The following PDE10A variants were observed in gnomAD, a reference collection of about 807,000 sequenced individuals.
PDE10A encodes cAMP and cAMP-inhibited cGMP 3',5'-cyclic phosphodiesterase 10A.
PDE10A carries 39 observed loss-of-function variants against 97.7 expected under a neutral mutation model. The ratio of observed to expected loss-of-function variants is 0.40; its 90% confidence interval spans 0.31 to 0.52. PDE10A has a LOEUF of 0.52. Among genes scored for constraint, PDE10A ranks in the 20% least tolerant of loss-of-function variants. The pLI, the probability that PDE10A is intolerant of heterozygous loss-of-function variation, is 0.56. For missense variants in PDE10A, 731 were observed against 1,047.8 expected, an observed-to-expected ratio of 0.70 and a Z score of 4.17; for synonymous variants, 371 against 376.8, an observed-to-expected ratio of 0.98 and a Z score of 0.18.
chr6:165,519,338 A>G (rs1218466816), intron 2 of PDE10A, among the ~76,000 whole-genome samples: 1 of 152,156 alleles, frequency 6.6e-6, no homozygotes, highest in Non-Finnish European at 1.5e-5. Context: ...GAATCTTAGG[A>G]GTTACAGAAA....
chr6:165,855,305 CGGGG>C lies in PDE10A; in HGVS notation c.-615+132220_-615+132223del, dbSNP rs34074536. Reference sequence around the variant, plus strand: ...GACTCATAGGCGGCGCGGGAAGTGGCGGGGGGGGGGGGGGACTCAGGGGCGCTGC... The same window carrying C: ...GACTCATAGGCGGCGCGGGAAGTGGCGGGGGGGGGGACTCAGGGGCGCTGC... On this transcript the variant is annotated intron_variant, in intron 1 of 19. Coordinates refer to the PDE10A transcript ENST00000366882. 1.6e-3 allele frequency among the ~76,000 whole-genome samples: 141 copies of C among 86,506 alleles called. 2 individuals are homozygous for C. The highest frequency in any genetic ancestry group is 7.0e-3 in the African/African-American group (134 of 19,220). 56.8% of individuals were successfully genotyped at this position (86,506 alleles called of 152,430 possible).
At chr6:165,857,307 CT>C in intron 1 of PDE10A, among the ~76,000 whole-genome samples, 1 of 152,342 alleles carries the variant, frequency 6.6e-6, no homozygotes. Context: ...CTGGGACTTT[CT>C]TATAGCAAAC....
intron 17 of PDE10A, among the ~76,000 whole-genome samples, chr6:165,382,098 C>T (rs193087289): frequency 1.4e-4 from 21 of 152,228 alleles, no homozygotes; most frequent in Admixed American, 1.3e-3. Flanking sequence ...CGTGGGTGAA[C>T]AGCATGTAAT....
At chr6:165,741,974 C>T (rs1354480181) in intron 1 of PDE10A, among the ~76,000 whole-genome samples, 1 of 152,182 alleles carries the variant, frequency 6.6e-6, no homozygotes. Flanking sequence ...ATGTTGGCAG[C>T]TAGGTGTGAA....
chr6:165,343,518 A>G lies in PDE10A; in HGVS notation c.2784-16T>C. The G allele has an allele frequency of 2.6e-6, 4 of 1,544,474 alleles. No homozygotes were observed. Among genetic ancestry groups the G allele is most frequent in the Non-Finnish European group, 3.6e-6 (4 of 1,116,556 alleles). On this transcript the variant is annotated splice_polypyrimidine_tract_variant and intron_variant, in intron 18 of 21. Coordinates refer to ENST00000539869, the MANE Select transcript of PDE10A (RefSeq NM_001385079.1). The stretch of plus-strand genomic sequence containing the variant: ...TACACGGTCTCTAGAACACAACAAT[A>G]TAAGACTGGTCAGCATAGCATTTGC...
chr6:165,344,240 TCC>T (rs1160672266), intron 18 of PDE10A, among the ~76,000 whole-genome samples: 1 of 152,140 alleles, frequency 6.6e-6, no homozygotes, highest in East Asian at 1.9e-4. Context: ...CAAAGACATA[TCC>T]CCTGCAATTT....
At chr6:165,616,310 C>T in intron 1 of PDE10A, among the ~76,000 whole-genome samples, 1 of 152,122 alleles carries the variant, frequency 6.6e-6, no homozygotes, top group East Asian at 1.9e-4. Context: ...ACTTCCCTAA[C>T]CATATTTAGC....
intron 1 of PDE10A, among the ~76,000 whole-genome samples, chr6:165,863,091 C>A (rs1393086934): frequency 6.6e-6 from 1 of 152,186 alleles, no homozygotes; most frequent in Non-Finnish European, 1.5e-5. Context: ...AATTCCATGC[C>A]AATTGCCTAT....
intron 1 of PDE10A, among the ~76,000 whole-genome samples, chr6:165,738,818 G>A (rs896152405): frequency 6.6e-6 from 1 of 152,186 alleles, no homozygotes; most frequent in Non-Finnish European, 1.5e-5. Context: ...CTTCTTTTGA[G>A]AAGTGTCTGT....
At chr6:165,422,092 G>T (rs1285938127) in intron 10 of PDE10A, among the ~76,000 whole-genome samples, 1 of 152,090 alleles carries the variant, frequency 6.6e-6, no homozygotes, top group African/African-American at 2.4e-5. Flanking sequence ...TCTGTTTTAA[G>T]ATGAGCATTT....
At chr6:165,559,797 A>G (rs1386673159) in intron 1 of PDE10A, among the ~76,000 whole-genome samples, 1 of 152,182 alleles carries the variant, frequency 6.6e-6, no homozygotes, top group Non-Finnish European at 1.5e-5. Flanking sequence ...TTCTCGTGGT[A>G]GTGACTATGT....
chr6:165,906,007 CCTTCCT>C (rs1562791918), intron 1 of PDE10A, among the ~76,000 whole-genome samples: 623 of 48,574 alleles, frequency 0.013, 12 homozygotes, highest in Middle Eastern at 0.042. Flanking sequence ...TTCCTTCCTT[CCTTCCT>C]TCCCTCCCTC....
At chr6:165,857,735 G>A (rs1281368818) in intron 1 of PDE10A, among the ~76,000 whole-genome samples, 7 of 84,268 alleles carry the variant, frequency 8.3e-5, no homozygotes, top group African/African-American at 2.4e-4. Context: ...GTGTGTGTGT[G>A]TGAAGAATGA....
At chr6:165,945,345 C>T (rs1285635042) in intron 1 of PDE10A, among the ~76,000 whole-genome samples, 1 of 152,220 alleles carries the variant, frequency 6.6e-6, no homozygotes, top group Non-Finnish European at 1.5e-5. Context: ...AGCTAAGCTA[C>T]TCTTGACTTC....
At chr6:165,973,872 T>C (rs929809594) in intron 1 of PDE10A, among the ~76,000 whole-genome samples, 9 of 152,370 alleles carry the variant, frequency 5.9e-5, no homozygotes, top group Admixed American at 5.9e-4. Context: ...AATTTCTTTC[T>C]TCAATAACAT....
At chr6:165,946,386 T>C (rs1783766704) in intron 1 of PDE10A, among the ~76,000 whole-genome samples, 1 of 151,460 alleles carries the variant, frequency 6.6e-6, no homozygotes, top group Admixed American at 6.6e-5. Flanking sequence ...TCCCAGCTAC[T>C]AGGGAGGCTG....
chr6:165,678,120 T>A (rs1790857878), intron 1 of PDE10A, among the ~76,000 whole-genome samples: 1 of 150,644 alleles, frequency 6.6e-6, no homozygotes, highest in Admixed American at 6.6e-5. Flanking sequence ...TGTGTGGGTG[T>A]GTTTGTGTTT....
At chr6:165,452,296 C>T (rs2128250984) in intron 3 of PDE10A, among the ~76,000 whole-genome samples, 1 of 152,330 alleles carries the variant, frequency 6.6e-6, no homozygotes, top group Non-Finnish European at 1.5e-5. Context: ...CCAACAGAAG[C>T]AAAGCTGCAG....
At chr6:165,567,473 T>G (rs1472329465) in intron 1 of PDE10A, among the ~76,000 whole-genome samples, 1 of 152,198 alleles carries the variant, frequency 6.6e-6, no homozygotes, top group African/African-American at 2.4e-5. Flanking sequence ...CAAAATGTTC[T>G]TCAACTAATG....
Sources: allele counts gnomAD v4.1 joint callset (sites outside exome capture counted in the v4.1 genomes callset), GRCh38; gene constraint gnomAD v4.1.1; transcripts MANE v1.5; gene names NCBI Gene and HGNC (gene_info 2026-07-23, HGNC 2026-07-21).